The following RBM19 variants were observed in gnomAD, a reference collection of about 807,000 sequenced individuals.
The protein encoded by RBM19 is RNA binding motif protein 19.
RBM19 carries 94 observed loss-of-function variants against 116.8 expected under a neutral mutation model. The observed-to-expected ratio is 0.80, with a 90% CI of 0.68 to 0.95. The LOEUF (loss-of-function observed/expected upper bound fraction) is 0.95. Ranked by LOEUF, RBM19 falls within the 40% of genes least tolerant of loss-of-function variation. RBM19 has a pLI of 0.00. For synonymous variants in RBM19, 475 were observed against 494.1 expected (o/e 0.96, Z 0.51); for missense variants, 1,161 against 1,220.7 (o/e 0.95, Z 0.73).
rs923683617 is a variant in RBM19, at chr12:113,836,514, G to T, written c.2785+8154C>A. 2.2e-4 allele frequency among the ~76,000 whole-genome samples: 34 copies of T among 152,088 alleles called. 1 individual carries two copies. The highest frequency in any genetic ancestry group is 6.5e-4 in the African/African-American group (27 of 41,398). On this transcript the variant is annotated intron_variant, in intron 23 of 23. Transcript: ENST00000261741. Reference sequence around the variant, plus strand: ...CCGCTTGGTGGGGAGGGGCTGGGGGGTTTACAACAAGTTTCTTTTGTCTGC... The same window carrying T: ...CCGCTTGGTGGGGAGGGGCTGGGGGTTTTACAACAAGTTTCTTTTGTCTGC...
intron 21 of RBM19, among the ~76,000 whole-genome samples, chr12:113,890,050 C>T (rs1880841508): frequency 6.6e-6 from 1 of 152,226 alleles, no homozygotes; most frequent in Admixed American, 6.5e-5. Flanking sequence ...GGAGTGGTAA[C>T]CTCGCTAATT....
At chr12:113,882,870 C>T (rs1880246238) in intron 21 of RBM19, among the ~76,000 whole-genome samples, 1 of 152,222 alleles carries the variant, frequency 6.6e-6, no homozygotes, top group African/African-American at 2.4e-5. Flanking sequence ...GAGTTCAAGC[C>T]CCAGCTTTTA....
At chr12:113,874,203 C>T (rs768622481) in intron 21 of RBM19, among the ~76,000 whole-genome samples, 5 of 152,174 alleles carry the variant, frequency 3.3e-5, no homozygotes, top group Non-Finnish European at 5.9e-5. Context: ...ACTGAATGGC[C>T]GGCACCCAGA....
intron 23 of RBM19, among the ~76,000 whole-genome samples, chr12:113,824,306 CT>C (rs1874676061): frequency 1.3e-5 from 2 of 152,274 alleles, no homozygotes; most frequent in South Asian, 4.1e-4. Flanking sequence ...AGTCTTTCTG[CT>C]TTTTATGAAA....
intron 21 of RBM19, among the ~76,000 whole-genome samples, chr12:113,867,927 GAATA>G (rs34927476): frequency 4.6e-5 from 7 of 151,782 alleles, no homozygotes; most frequent in Non-Finnish European, 8.8e-5. Flanking sequence ...ACTCTTGTCT[GAATA>G]AATAAATAAA....
At chr12:113,853,103 G>A (rs765097320) in intron 22 of RBM19, among the ~76,000 whole-genome samples, 1 of 152,218 alleles carries the variant, frequency 6.6e-6, no homozygotes, top group Admixed American at 6.5e-5. Context: ...CTCCTCGAGA[G>A]GCCCAGTGCG....
intron 21 of RBM19, among the ~76,000 whole-genome samples, chr12:113,876,417 A>G (rs2135779677): frequency 6.6e-6 from 1 of 152,346 alleles, no homozygotes; most frequent in South Asian, 2.1e-4. Context: ...TCCATGCTCA[A>G]CAGTTGTGTT....
intron 21 of RBM19, among the ~76,000 whole-genome samples, chr12:113,910,969 G>A (rs1182472014): frequency 6.6e-6 from 1 of 151,828 alleles, no homozygotes; most frequent in East Asian, 2.0e-4. Context: ...TCCTGGTGGA[G>A]ACAGGGAAAG....
chr12:113,917,539 A>G (rs1447369573), intron 20 of RBM19, among the ~76,000 whole-genome samples: 2 of 152,208 alleles, frequency 1.3e-5, no homozygotes, highest in African/African-American at 4.8e-5. Context: ...AAAACACCAG[A>G]GCTGGCCCAA....
In RBM19 at chr12:113,960,123, T is replaced by C. The variant is rs891396008; in HGVS notation, c.275A>G (p.His92Arg). 1 of 1,614,200 alleles carries C rather than the reference T, an allele frequency of 6.2e-7. No homozygotes were observed. The highest frequency in any genetic ancestry group is 1.1e-5 in the South Asian group (1 of 91,082). ...CTTGGGCTGGCTTGGTTTCTGGGCATGTTTGCTCCAGGCTCTGGGTTTGGC... is the reference window on the plus strand; with the variant it reads ...CTTGGGCTGGCTTGGTTTCTGGGCACGTTTGCTCCAGGCTCTGGGTTTGGC... Reference protein sequence around the residue: ...DPAKPRAWSKHAQKPSQPKQP... With the variant: ...DPAKPRAWSKRAQKPSQPKQP... The change falls in exon 3 of 24, where the codon CAT (histidine) becomes CGT (arginine). Residue 92 changes from histidine (H) to arginine (R), a missense_variant. By Grantham distance (29) the His-to-Arg change is conservative (BLOSUM62 0). Transcript: ENST00000261741.
intron 16 of RBM19, among the ~76,000 whole-genome samples, chr12:113,928,484 C>A (rs2384345): frequency 0.28 from 41,531 of 147,888 alleles, 5,973 homozygotes; most frequent in Middle Eastern, 0.41. Context: ...ACAAAGTGCT[C>A]CTGGTTTATT....
intron 21 of RBM19, among the ~76,000 whole-genome samples, chr12:113,911,830 G>A (rs7972559): frequency 0.019 from 2,834 of 152,242 alleles, 106 homozygotes; most frequent in African/African-American, 0.065. Context: ...ACACTCACAC[G>A]TATTACCACA....
intron 21 of RBM19, among the ~76,000 whole-genome samples, chr12:113,890,720 T>C (rs1399128544): frequency 1.3e-5 from 2 of 152,200 alleles, no homozygotes; most frequent in Non-Finnish European, 2.9e-5. Context: ...CCACAGAACT[T>C]CAGAACAGTT....
At chr12:113,849,412 C>T (rs1232092656) in intron 22 of RBM19, among the ~76,000 whole-genome samples, 2 of 152,248 alleles carry the variant, frequency 1.3e-5, no homozygotes, top group Non-Finnish European at 2.9e-5. Flanking sequence ...GGACGCAGGG[C>T]TGGCTTAGAC....
At chr12:113,884,092 T>C (rs1880344575) in intron 21 of RBM19, among the ~76,000 whole-genome samples, 1 of 137,006 alleles carries the variant, frequency 7.3e-6, no homozygotes, top group South Asian at 2.4e-4. Context: ...CCAGGCAACA[T>C]AGGGATACTC....
At chr12:113,935,973 T>G (rs531054909) in intron 16 of RBM19, among the ~76,000 whole-genome samples, 58 of 151,936 alleles carry the variant, frequency 3.8e-4, no homozygotes, top group African/African-American at 1.4e-3. Flanking sequence ...GAGGCAGAGG[T>G]TGCAGTGAGC....
At chr12:113,906,278 C>T (rs925399718) in intron 21 of RBM19, among the ~76,000 whole-genome samples, 3 of 152,176 alleles carry the variant, frequency 2.0e-5, no homozygotes, top group South Asian at 2.1e-4. Flanking sequence ...TCTAGATGGT[C>T]ACAACAATGA....
chr12:113,850,392 C>CT (rs1477511028), intron 22 of RBM19, among the ~76,000 whole-genome samples: 1 of 152,242 alleles, frequency 6.6e-6, no homozygotes, highest in Non-Finnish European at 1.5e-5. Context: ...AATCACAGCT[C>CT]TTTGAGCTCC....
intron 21 of RBM19, among the ~76,000 whole-genome samples, chr12:113,907,139 C>T (rs757989971): frequency 2.0e-5 from 3 of 150,064 alleles, no homozygotes; most frequent in Non-Finnish European, 3.0e-5. Flanking sequence ...GTTTAAGACC[C>T]CCATTGTGGC....
Sources: gnomAD v4.1 joint callset for allele counts (sites outside exome capture counted in the v4.1 genomes callset) on GRCh38, gnomAD v4.1.1 for gene constraint, MANE v1.5 for transcripts, NCBI Gene and HGNC (gene_info 2026-07-23, HGNC 2026-07-21) for gene names.